The following PALLD variants were observed in gnomAD, a reference collection of about 807,000 sequenced individuals.
The protein encoded by PALLD is palladin.
In PALLD, 61 loss-of-function variants were observed where a neutral mutation model predicts 123.5. That is an observed-to-expected ratio of 0.49 (90% confidence interval 0.40 to 0.61). PALLD has a LOEUF of 0.61. Ranked by LOEUF, PALLD falls within the 20% of genes least tolerant of loss-of-function variation. PALLD has a pLI of 0.00. For synonymous variants in PALLD, 465 were observed against 496.4 expected, an observed-to-expected ratio of 0.94 and a Z score of 0.84; for missense variants, 1,273 against 1,377.0, an observed-to-expected ratio of 0.92 and a Z score of 1.20.
At chr4:168,916,827 G>C (rs1259233068) in intron 17 of PALLD, among the ~76,000 whole-genome samples, 2 of 148,492 alleles carry the variant, frequency 1.3e-5, no homozygotes, top group Non-Finnish European at 3.0e-5. Context: ...TGTGCCACCA[G>C]GCCCAGCTAA....
chr4:168,524,649 C>T (rs1265869050), intron 2 of PALLD, among the ~76,000 whole-genome samples: 1 of 152,176 alleles, frequency 6.6e-6, no homozygotes, highest in Non-Finnish European at 1.5e-5. Context: ...AGATCTGTCT[C>T]AATGGAGTTT....
chr4:168,683,305 C>G (rs541987300), intron 5 of PALLD, among the ~76,000 whole-genome samples: 1 of 152,338 alleles, frequency 6.6e-6, no homozygotes, highest in Non-Finnish European at 1.5e-5. Flanking sequence ...AACCACACTG[C>G]CAATTAGTCA....
At chr4:168,815,162 G>A (rs1741727488) in intron 10 of PALLD, among the ~76,000 whole-genome samples, 1 of 152,172 alleles carries the variant, frequency 6.6e-6, no homozygotes, top group Non-Finnish European at 1.5e-5. Flanking sequence ...AACTTGGAAG[G>A]GCTTTGACAG....
At chr4:168,847,466 C>G (rs1374825748) in intron 10 of PALLD, among the ~76,000 whole-genome samples, 1 of 152,146 alleles carries the variant, frequency 6.6e-6, no homozygotes, top group Non-Finnish European at 1.5e-5. Context: ...TATGCTTCAT[C>G]CAACTTTTGT....
chr4:168,776,646 C>A (rs1413946360), intron 10 of PALLD, among the ~76,000 whole-genome samples: 1 of 152,144 alleles, frequency 6.6e-6, no homozygotes, highest in Non-Finnish European at 1.5e-5. Flanking sequence ...TTCAGAGATG[C>A]CCTTTATTAG....
Position 168,580,239 on chromosome 4 carries a change from G to GGTGTGT in PALLD, c.908+67852_908+67857dup, listed in dbSNP as rs59142111. Reference sequence around the variant, plus strand: ...TAAAGACTGAATATTATTTCACTGTGGTGTGTGTGTGTGTGTGTGTGTGTG... The same window carrying GGTGTGT: ...TAAAGACTGAATATTATTTCACTGTGGTGTGTGTGTGTGTGTGTGTGTGTGTGTGTG... On this transcript the variant is annotated intron_variant, in intron 2 of 21. Transcript: ENST00000505667. Among the ~76,000 whole-genome samples the GGTGTGT allele has an allele frequency of 2.8e-4, 41 of 147,484 alleles. No individual in the cohort carries two copies. The South Asian group carries it at 6.1e-3, about 22-fold the overall frequency.
intron 4 of PALLD, 130 bp downstream of exon 4, chr4:168,681,528 G>A (rs1781543171): frequency 1.7e-6 from 1 of 584,800 alleles, no homozygotes; most frequent in Non-Finnish European, 3.1e-6. Context: ...CAAATACTGA[G>A]GTTGGAACAC....
chr4:168,570,863 C>T (rs1275439272), intron 2 of PALLD, among the ~76,000 whole-genome samples: 2 of 152,146 alleles, frequency 1.3e-5, no homozygotes, highest in Admixed American at 1.3e-4. Context: ...TTCTTATCCT[C>T]CAACATCCCT....
At chr4:168,676,795 G>T (rs904839661) in intron 3 of PALLD, among the ~76,000 whole-genome samples, 1 of 151,366 alleles carries the variant, frequency 6.6e-6, no homozygotes, top group Non-Finnish European at 1.5e-5. Flanking sequence ...TAGCCAGGAT[G>T]GTCTCGATCT....
At chr4:168,820,211 G>T (rs1742521246) in intron 10 of PALLD, among the ~76,000 whole-genome samples, 1 of 152,178 alleles carries the variant, frequency 6.6e-6, no homozygotes, top group Non-Finnish European at 1.5e-5. Flanking sequence ...AAACTTATTG[G>T]CAGCAATGCC....
At chr4:168,623,556 G>A (rs1774959425) in intron 2 of PALLD, among the ~76,000 whole-genome samples, 1 of 152,210 alleles carries the variant, frequency 6.6e-6, no homozygotes, top group Non-Finnish European at 1.5e-5. Flanking sequence ...CAGGGACTGG[G>A]TAGGTGAGGA....
At chr4:168,710,692 A>G (rs914208908) in intron 9 of PALLD, among the ~76,000 whole-genome samples, 14 of 152,236 alleles carry the variant, frequency 9.2e-5, no homozygotes, top group Non-Finnish European at 1.9e-4. Context: ...TGTCAGGATC[A>G]GAGTTACAGA....
intron 15 of PALLD, among the ~76,000 whole-genome samples, chr4:168,911,330 C>T (rs561947881): frequency 2.0e-5 from 3 of 152,198 alleles, no homozygotes; most frequent in African/African-American, 4.8e-5. Context: ...TTTTTCTAAC[C>T]GCATAAATGA....
intron 10 of PALLD, among the ~76,000 whole-genome samples, chr4:168,759,202 A>AAAAAAAAAAAT (rs1554077926): frequency 4.5e-5 from 1 of 22,308 alleles, no homozygotes. Context: ...AAAAAAAAAA[A>AAAAAAAAAAAT]ATATATATAT....
At chr4:168,768,432 G>C (rs1733970520) in intron 10 of PALLD, among the ~76,000 whole-genome samples, 1 of 152,272 alleles carries the variant, frequency 6.6e-6, no homozygotes, top group East Asian at 1.9e-4. Context: ...GTGGAATAAA[G>C]GTCAAGATGA....
At chr4:168,625,737 T>C (rs953412308) in intron 2 of PALLD, among the ~76,000 whole-genome samples, 41 of 152,022 alleles carry the variant, frequency 2.7e-4, no homozygotes, top group African/African-American at 9.2e-4. Flanking sequence ...CCCATTAAGA[T>C]GGCTGCTATG....
chr4:168,795,563 A>G (rs1328726278), intron 10 of PALLD, among the ~76,000 whole-genome samples: 1 of 152,238 alleles, frequency 6.6e-6, no homozygotes, highest in Non-Finnish European at 1.5e-5. Flanking sequence ...TTCAATGATT[A>G]ACATGTGAAA....
At chr4:168,519,964 G>A (rs539600793) in intron 2 of PALLD, among the ~76,000 whole-genome samples, 9 of 152,088 alleles carry the variant, frequency 5.9e-5, no homozygotes, top group Admixed American at 1.3e-4. Flanking sequence ...ATATTTTGCG[G>A]AGGACAATAA....
intron 3 of PALLD, among the ~76,000 whole-genome samples, chr4:168,672,831 T>C (rs554152525): frequency 6.6e-6 from 1 of 152,260 alleles, no homozygotes; most frequent in Non-Finnish European, 1.5e-5. Context: ...AATCACCCTA[T>C]TTTATAGTTG....
Sources: allele counts gnomAD v4.1 joint callset (sites outside exome capture counted in the v4.1 genomes callset), GRCh38; gene constraint gnomAD v4.1.1; transcripts MANE v1.5; gene names NCBI Gene and HGNC (gene_info 2026-07-23, HGNC 2026-07-21).